The following TRDMT1 variants were observed in gnomAD, a reference collection of about 807,000 sequenced individuals.
TRDMT1 encodes the protein tRNA (cytosine(38)-C(5))-methyltransferase.
Under a neutral mutation model 51.2 loss-of-function variants are expected in TRDMT1, and 49 were observed. That is an observed-to-expected ratio of 0.96 (90% confidence interval 0.76 to 1.21). TRDMT1 has a LOEUF of 1.21. TRDMT1 is among the 50% of genes most tolerant of loss of function. TRDMT1 has a pLI of 0.00. For synonymous variants in TRDMT1, 187 were observed against 164.6 expected (o/e 1.14, Z -1.04); for missense variants, 534 against 462.3 (o/e 1.16, Z -1.42).
intron 1 of TRDMT1, among the ~76,000 whole-genome samples, chr10:17,175,451 A>G (rs1842511808): frequency 6.6e-6 from 1 of 152,134 alleles, no homozygotes; most frequent in South Asian, 2.1e-4. Context: ...ATATTTTACA[A>G]TGACCACCCT....
chr10:17,149,695 T>A (rs1838442594), intron 10 of TRDMT1, among the ~76,000 whole-genome samples: 1 of 152,100 alleles, frequency 6.6e-6, no homozygotes, highest in African/African-American at 2.4e-5. Context: ...TTTCTAGGAG[T>A]GTCTACTGGA....
chr10:17,149,018 A>T lies in TRDMT1; in HGVS notation c.*22T>A. Reference sequence around the variant, plus strand: ...GAAAATGAAGGAATATCATATGACCATCTTTCAGAGTTATTTCAAAATTAT... The same window carrying T: ...GAAAATGAAGGAATATCATATGACCTTCTTTCAGAGTTATTTCAAAATTAT... On this transcript the variant is annotated 3_prime_UTR_variant, in exon 11 of 11. Coordinates refer to ENST00000377799, the MANE Select transcript of TRDMT1 (RefSeq NM_004412.7). The T allele has an allele frequency of 2.5e-6, 4 of 1,581,976 alleles. No individual in the cohort carries two copies. Among genetic ancestry groups the T allele is most frequent in the Non-Finnish European group, 1.7e-6 (2 of 1,164,062 alleles).
rs1316463811 is a variant in TRDMT1, at chr10:17,141,367, G to A, written c.*7673C>T. ...AGTAGAGACGGGGTTTCACCATGTT[G>A]GAAAGGATGGTCTCTATCTCCTGAC... On this transcript the variant is annotated 3_prime_UTR_variant, in exon 11 of 11. Transcript: ENST00000377799. Among the ~76,000 whole-genome samples, 1 of 152,060 alleles carries A rather than the reference G, an allele frequency of 6.6e-6. No homozygotes were observed. The highest frequency in any genetic ancestry group is 1.5e-5 in the Non-Finnish European group (1 of 68,014).
At chr10:17,171,002 A>AT (rs112536132) in intron 2 of TRDMT1, among the ~76,000 whole-genome samples, 20,687 of 152,078 alleles carry the variant, frequency 0.14, 1,498 homozygotes, top group Admixed American at 0.17. Flanking sequence ...TAGCTAACAG[A>AT]TCCACAACTA....
At chr10:17,161,573 T>C in intron 4 of TRDMT1, 25 bp from the exon 5 acceptor site, 1 of 1,155,286 alleles carries the variant, frequency 8.7e-7, no homozygotes, top group Non-Finnish European at 1.2e-6. Flanking sequence ...ACAAATGGAA[T>C]TCTAAATATC....
At position 17,140,112 on chromosome 10, in the gene TRDMT1, G is replaced by C. The variant is rs771274609; in HGVS notation, c.*8928C>G. ...CCAGGCTGGAATGATGCAATGGCAC[G>C]ACCTCGGCTCACTGCAACCTCCGCC... On this transcript the variant is annotated 3_prime_UTR_variant, in exon 11 of 11. Transcript: ENST00000377799. 7.8e-6 allele frequency among the ~76,000 whole-genome samples: 1 copy of C among 128,738 alleles called. No individual in the cohort carries two copies. The highest frequency in any genetic ancestry group is 8.9e-5 in the Admixed American group (1 of 11,204). The allele number at this position is 128,738 out of a possible 152,430, so 84.5% of individuals were successfully genotyped here. A position where few individuals can be genotyped will look rare whatever the true frequency, so the allele number is the denominator to read the frequency against.
chr10:17,172,965 G>A (rs1383088991), intron 2 of TRDMT1, among the ~76,000 whole-genome samples: 1 of 151,040 alleles, frequency 6.6e-6, no homozygotes, highest in Non-Finnish European at 1.5e-5. Flanking sequence ...GAATCCAACA[G>A]GAAAATAAAA....
chr10:17,169,222 C>T (rs1225209916), intron 2 of TRDMT1: 20 of 705,690 alleles, frequency 2.8e-5, no homozygotes, highest in Non-Finnish European at 4.0e-5. Context: ...TGTAACACTG[C>T]TGTTTTCTAG....
intron 1 of TRDMT1, among the ~76,000 whole-genome samples, chr10:17,191,464 T>C (rs1321190309): frequency 6.6e-6 from 1 of 152,030 alleles, no homozygotes; most frequent in Non-Finnish European, 1.5e-5. Context: ...GAAGGAAAAC[T>C]CCGAAGCGGC....
intron 10 of TRDMT1, among the ~76,000 whole-genome samples, chr10:17,152,635 G>T (rs1838902546): frequency 6.6e-6 from 1 of 152,172 alleles, no homozygotes. Flanking sequence ...CATCAGCCAG[G>T]TACTGGGAGC....
intron 3 of TRDMT1, among the ~76,000 whole-genome samples, chr10:17,167,926 A>C (rs755428594): frequency 2.6e-5 from 4 of 152,216 alleles, no homozygotes; most frequent in Non-Finnish European, 5.9e-5. Context: ...GGTATCCTAC[A>C]GTCTTGCATA....
In TRDMT1 at chr10:17,148,969, A is replaced by G. The variant is rs892770733; in HGVS notation, c.*71T>C. The G allele has an allele frequency of 2.1e-6, 3 of 1,461,778 alleles. No individual in the cohort carries two copies. Among genetic ancestry groups the G allele is most frequent in the African/African-American group, 2.9e-5 (2 of 69,806 alleles). 90.6% of individuals were successfully genotyped at this position (1,461,778 alleles called of 1,614,324 possible). On this transcript the variant is annotated 3_prime_UTR_variant, in exon 11 of 11. Transcript: ENST00000377799. ...TTAAATTTCACCAGAATTAGTTCAA[A>G]ACAGAATTTCAGAATTACTCTCTGA...
Position 17,145,870 on chromosome 10 carries a change from C to T in TRDMT1, c.*3170G>A. 4.1e-6 allele frequency: 4 copies of T among 985,456 alleles called. No individual in the cohort carries two copies. Among genetic ancestry groups the T allele is most frequent in the Non-Finnish European group, 4.8e-6 (4 of 829,942 alleles). 61.0% of individuals were successfully genotyped at this position (985,456 alleles called of 1,614,324 possible). A position where few individuals can be genotyped will look rare whatever the true frequency, so the allele number is the denominator to read the frequency against. ...GTGGTTGCTTCTTTGTTCTGTTCTG[C>T]TATGGCTAAAATTAAATCAGTTGTA... On this transcript the variant is annotated 3_prime_UTR_variant, in exon 11 of 11. Coordinates refer to ENST00000377799, the MANE Select transcript of TRDMT1 (RefSeq NM_004412.7).
chr10:17,141,467 G>T lies in TRDMT1; in HGVS notation c.*7573C>A, dbSNP rs939187371. Among the ~76,000 whole-genome samples the T allele has an allele frequency of 6.6e-6, 1 of 151,862 alleles. No individual in the cohort carries two copies. Among genetic ancestry groups the T allele is most frequent in the African/African-American group, 2.4e-5 (1 of 41,376 alleles). On this transcript the variant is annotated 3_prime_UTR_variant, in exon 11 of 11. Coordinates refer to ENST00000377799, the MANE Select transcript of TRDMT1 (RefSeq NM_004412.7). ...CAGCCACCGCGCCCAGCCTCCAGCT[G>T]CTTTTAAGGTTTTGCCAAATTTGGG...
At chr10:17,182,284 T>C (rs564513440) in intron 1 of TRDMT1, among the ~76,000 whole-genome samples, 1 of 152,170 alleles carries the variant, frequency 6.6e-6, no homozygotes, top group Non-Finnish European at 1.5e-5. Flanking sequence ...TCTGGTGACA[T>C]GATTTGAGCC....
intron 2 of TRDMT1, among the ~76,000 whole-genome samples, chr10:17,171,135 G>GTGTGTA (rs1335933322): frequency 1.3e-5 from 2 of 151,914 alleles, no homozygotes; most frequent in Non-Finnish European, 2.9e-5. Context: ...GTGTGTGTGT[G>GTGTGTA]TGTGTGTAGT....
In TRDMT1 at chr10:17,144,908, T is replaced by C. The variant is rs1165633900; in HGVS notation, c.*4132A>G. ...TGCACACAGGTTGACTCATGCAAAC[T>C]GAAACTAAAGAACATGTGCAAGATG... On this transcript the variant is annotated 3_prime_UTR_variant, in exon 11 of 11. Coordinates refer to ENST00000377799, the MANE Select transcript of TRDMT1 (RefSeq NM_004412.7). 8.1e-6 allele frequency: 8 copies of C among 984,970 alleles called. No homozygotes were observed. Among genetic ancestry groups the C allele is most frequent in the Non-Finnish European group, 9.6e-6 (8 of 829,878 alleles). 61.0% of individuals were successfully genotyped at this position (984,970 alleles called of 1,614,324 possible).
intron 5 of TRDMT1, 64 bp from the exon 6 acceptor site, chr10:17,160,438 A>G: frequency 8.8e-7 from 1 of 1,134,052 alleles, no homozygotes; most frequent in South Asian, 1.7e-5. Flanking sequence ...TAAATAATGT[A>G]CACAAAAGCT....
At chr10:17,199,007 C>A (rs892315034) in intron 1 of TRDMT1, among the ~76,000 whole-genome samples, 1 of 152,156 alleles carries the variant, frequency 6.6e-6, no homozygotes, top group Non-Finnish European at 1.5e-5. Context: ...AATACCAGTT[C>A]TACCGCTAAC....
Sources: allele counts gnomAD v4.1 joint callset (sites outside exome capture counted in the v4.1 genomes callset), GRCh38; gene constraint gnomAD v4.1.1; transcripts MANE v1.5; gene names NCBI Gene and HGNC (gene_info 2026-07-23, HGNC 2026-07-21).